Variants in PRKCE observed in about 807,000 individuals in gnomAD.
PRKCE encodes protein kinase C epsilon.
In PRKCE, 16 loss-of-function variants were observed where a neutral mutation model predicts 85.4. The observed-to-expected ratio is 0.19, with a 90% confidence interval of 0.13 to 0.28. The LOEUF (loss-of-function observed/expected upper bound fraction) is 0.28. Among genes scored for constraint, PRKCE ranks in the 10% least tolerant of loss-of-function variants. The pLI is 1.00. For synonymous variants in PRKCE, 388 were observed against 371.5 expected, an observed-to-expected ratio of 1.04 and a Z score of -0.51; for missense variants, 573 against 975.2, an observed-to-expected ratio of 0.59 and a Z score of 5.49.
intron 2 of PRKCE, among the ~76,000 whole-genome samples, chr2:45,953,201 G>C (rs1353006458): frequency 6.6e-6 from 1 of 152,084 alleles, no homozygotes; most frequent in African/African-American, 2.4e-5. Context: ...TACTTTTGAT[G>C]GAACATACCT....
At chr2:45,986,094 G>A (rs1703302114) in intron 6 of PRKCE, among the ~76,000 whole-genome samples, 1 of 152,268 alleles carries the variant, frequency 6.6e-6, no homozygotes, top group African/African-American at 2.4e-5. Context: ...AGGAGGAAAA[G>A]TAGCAAAGAA....
chr2:46,007,930 T>G (rs1437941476), intron 9 of PRKCE, among the ~76,000 whole-genome samples: 5 of 152,210 alleles, frequency 3.3e-5, no homozygotes, highest in African/African-American at 1.2e-4. Flanking sequence ...TCAAGTGAGA[T>G]GGTAGATGAG....
chr2:45,800,354 GC>G (rs60289421), intron 1 of PRKCE, among the ~76,000 whole-genome samples: 7,406 of 152,320 alleles, frequency 0.049, 616 homozygotes, highest in African/African-American at 0.17. Flanking sequence ...CTTCCATAAA[GC>G]CTCATGCTGG....
rs545167721 is a variant in PRKCE at position 46,097,695 on chromosome 2, C to T, written c.1592+11333C>T. ...GTGCACTTTAGTTATAAAAGTCATTCTGTCCCTCTCCCATGTCATATAGAT... is the reference window on the plus strand; with the variant it reads ...GTGCACTTTAGTTATAAAAGTCATTTTGTCCCTCTCCCATGTCATATAGAT... On this transcript the variant is annotated intron_variant, in intron 11 of 14. Transcript: ENST00000306156. 2.6e-5 allele frequency among the ~76,000 whole-genome samples: 4 copies of T among 152,276 alleles called. No individual in the cohort carries two copies. In the South Asian group the frequency reaches 8.3e-4, roughly 32 times the overall value.
chr2:45,885,001 A>ATATTTT (rs1342824133), intron 2 of PRKCE, among the ~76,000 whole-genome samples: 2 of 71,544 alleles, frequency 2.8e-5, no homozygotes, highest in African/African-American at 5.8e-5. Context: ...ATATATATAT[A>ATATTTT]TTTGTTGTTG....
intron 11 of PRKCE, among the ~76,000 whole-genome samples, chr2:46,087,809 T>C (rs1418983860): frequency 6.6e-6 from 1 of 152,196 alleles, no homozygotes; most frequent in Non-Finnish European, 1.5e-5. Context: ...TTTGGGCTCA[T>C]CTTTCAAGCT....
intron 1 of PRKCE, among the ~76,000 whole-genome samples, chr2:45,801,932 CT>C (rs1403120323): frequency 6.6e-6 from 1 of 152,014 alleles, no homozygotes; most frequent in Non-Finnish European, 1.5e-5. Context: ...GATAATAATA[CT>C]TAACATCTAG....
At chr2:46,176,956 T>A (rs1679486513) in intron 14 of PRKCE, among the ~76,000 whole-genome samples, 1 of 152,252 alleles carries the variant, frequency 6.6e-6, no homozygotes, top group Admixed American at 6.5e-5. Flanking sequence ...ATCTGAGCTT[T>A]ACCTATAACC....
intron 1 of PRKCE, among the ~76,000 whole-genome samples, chr2:45,709,124 C>T (rs1477398201): frequency 6.6e-6 from 1 of 152,208 alleles, no homozygotes; most frequent in Non-Finnish European, 1.5e-5. Context: ...CCTGGAGCTG[C>T]CTCTGGGTGT....
chr2:45,762,299 G>A (rs1388475746), intron 1 of PRKCE, among the ~76,000 whole-genome samples: 3 of 152,254 alleles, frequency 2.0e-5, no homozygotes, highest in South Asian at 2.1e-4. Context: ...GTTGCCCAGC[G>A]GGTCTCACTA....
intron 8 of PRKCE, among the ~76,000 whole-genome samples, chr2:46,005,106 C>T (rs1013627838): frequency 6.6e-6 from 1 of 152,128 alleles, no homozygotes. Flanking sequence ...TGTCTTCTAT[C>T]CTGGCCTTTG....
intron 10 of PRKCE, among the ~76,000 whole-genome samples, chr2:46,056,672 G>A (rs939769835): frequency 9.9e-5 from 15 of 152,274 alleles, no homozygotes; most frequent in Admixed American, 1.3e-4. Context: ...CTAAAAATAT[G>A]TGTTGGATAC....
In PRKCE at chr2:45,702,673, A is replaced by T. The variant is rs1002005490; in HGVS notation, c.348+50225A>T. On this transcript the variant is annotated intron_variant, in intron 1 of 14. Transcript: ENST00000306156. ...AGTGATATCTAAATCACTATTATAT[A>T]GTAGAACCCTTCTTTTTTTTCCCCC... Among the ~76,000 whole-genome samples, 3 of 152,208 alleles carry T rather than the reference A, an allele frequency of 2.0e-5. No homozygotes were observed. The South Asian group carries it at 6.2e-4, about 32-fold the overall frequency.
intron 1 of PRKCE, among the ~76,000 whole-genome samples, chr2:45,809,293 G>T (rs1558696101): frequency 1.3e-5 from 2 of 152,216 alleles, no homozygotes; most frequent in African/African-American, 4.8e-5. Context: ...CCTGTAGCAG[G>T]AATGGTAATT....
intron 2 of PRKCE, among the ~76,000 whole-genome samples, chr2:45,947,776 A>G (rs1700341364): frequency 6.6e-6 from 1 of 152,252 alleles, no homozygotes; most frequent in Non-Finnish European, 1.5e-5. Context: ...TTGTTACTAC[A>G]AACAGCATTT....
chr2:46,043,212 C>G (rs1708318075), intron 10 of PRKCE, among the ~76,000 whole-genome samples: 1 of 152,092 alleles, frequency 6.6e-6, no homozygotes, highest in Admixed American at 6.5e-5. Flanking sequence ...CCAAAGCCCT[C>G]TTTCATCACA....
intron 2 of PRKCE, among the ~76,000 whole-genome samples, chr2:45,946,083 C>A (rs1158814010): frequency 6.6e-6 from 1 of 152,244 alleles, no homozygotes; most frequent in African/African-American, 2.4e-5. Context: ...GTGGCACATG[C>A]CCTCCCAGGG....
At chr2:45,993,426 T>C (rs1425548143) in intron 6 of PRKCE, among the ~76,000 whole-genome samples, 2 of 152,162 alleles carry the variant, frequency 1.3e-5, no homozygotes, top group East Asian at 3.8e-4. Context: ...TGATTGAGAT[T>C]TTTTTTACAT....
chr2:45,796,014 T>G (rs1687409127), intron 1 of PRKCE, among the ~76,000 whole-genome samples: 1 of 152,228 alleles, frequency 6.6e-6, no homozygotes, highest in African/African-American at 2.4e-5. Flanking sequence ...CCATCTCCCT[T>G]CACTCTAAGC....
Sources: gnomAD v4.1 joint callset for allele counts (sites outside exome capture counted in the v4.1 genomes callset) on GRCh38, gnomAD v4.1.1 for gene constraint, MANE v1.5 for transcripts, NCBI Gene and HGNC (gene_info 2026-07-23, HGNC 2026-07-21) for gene names.